Variants in RRAS2 observed in about 807,000 individuals in gnomAD.
RRAS2 encodes ras-related protein R-Ras2.
A neutral mutation model predicts 27.6 loss-of-function variants in RRAS2; 7 were observed. That is an observed-to-expected ratio of 0.25 (90% CI 0.14 to 0.48). RRAS2 has a LOEUF of 0.48. Among genes scored for constraint, RRAS2 ranks in the 20% least tolerant of loss-of-function variants. RRAS2 has a pLI of 0.99. For missense variants in RRAS2, 178 were observed against 256.2 expected (o/e 0.69, Z 2.08); for synonymous variants, 86 against 90.9 (o/e 0.95, Z 0.31).
rs58190907 is a variant in RRAS2 at position 14,282,659 on chromosome 11, GA to G, written c.409-940del. 2.6e-4 allele frequency among the ~76,000 whole-genome samples: 39 copies of G among 149,704 alleles called. 1 individual carries two copies. The highest frequency in any genetic ancestry group is 4.9e-4 in the African/African-American group (20 of 40,910). On this transcript the variant is annotated intron_variant, in intron 4 of 5. Coordinates refer to ENST00000256196, the MANE Select transcript of RRAS2 (RefSeq NM_012250.6). ...AAAATTAGAAAAGCCAAATTGGGGG[GA>G]AAAAAAAAATCAAAGAAAATTTAAG...
At chr11:14,347,841 T>C (rs1848870508) in intron 1 of RRAS2, among the ~76,000 whole-genome samples, 1 of 142,542 alleles carries the variant, frequency 7.0e-6, no homozygotes, top group Non-Finnish European at 1.5e-5. Context: ...TAAAAGAATA[T>C]AAATAATTTT....
At chr11:14,306,405 G>C (rs1847830235) in intron 1 of RRAS2, among the ~76,000 whole-genome samples, 1 of 152,000 alleles carries the variant, frequency 6.6e-6, no homozygotes, top group Non-Finnish European at 1.5e-5. Flanking sequence ...AGGCTTAAGG[G>C]ATCCTGCCAT....
intron 1 of RRAS2, among the ~76,000 whole-genome samples, chr11:14,344,194 A>T (rs952030025): frequency 6.6e-6 from 1 of 152,202 alleles, no homozygotes; most frequent in African/African-American, 2.4e-5. Context: ...GTTGGCATGG[A>T]AATTCCATGC....
intron 1 of RRAS2, among the ~76,000 whole-genome samples, chr11:14,314,389 C>T (rs535217937): frequency 2.6e-5 from 4 of 152,284 alleles, no homozygotes; most frequent in African/African-American, 9.6e-5. Flanking sequence ...GGTCTCTAAT[C>T]ATAATTTACA....
intron 1 of RRAS2, among the ~76,000 whole-genome samples, chr11:14,319,345 C>CTTTTTTTTTT (rs1156654694): frequency 1.4e-4 from 13 of 91,516 alleles, no homozygotes; most frequent in Non-Finnish European, 2.1e-4. Context: ...TTCCCTCTGT[C>CTTTTTTTTTT]TTTTTTTTTT....
intron 1 of RRAS2, chr11:14,356,801 C>CTTTT (rs34757328): frequency 2.4e-4 from 89 of 374,664 alleles, no homozygotes; most frequent in South Asian, 6.4e-4. Context: ...GCAATTAATG[C>CTTTT]TTTTTTTTTT....
At chr11:14,332,834 A>G (rs1295476095) in intron 1 of RRAS2, among the ~76,000 whole-genome samples, 7 of 152,230 alleles carry the variant, frequency 4.6e-5, no homozygotes, top group Non-Finnish European at 1.0e-4. Context: ...AAATCATACA[A>G]GGAAAAAAAA....
rs1029142951 is a variant in RRAS2 at position 14,323,727 on chromosome 11, T to G, written c.109-27872A>C. Among the ~76,000 whole-genome samples the G allele has an allele frequency of 2.6e-5, 4 of 151,864 alleles. No individual in the cohort carries two copies. In the South Asian group the frequency reaches 8.3e-4, roughly 32 times the overall value. On this transcript the variant is annotated intron_variant, in intron 1 of 5. Transcript: ENST00000256196. Reference sequence around the variant, plus strand: ...TACCAAAACCAGACAAGAACATTATTAAAAAATGAAAATTACAGGCCAATT... The same window carrying G: ...TACCAAAACCAGACAAGAACATTATGAAAAAATGAAAATTACAGGCCAATT...
chr11:14,286,549 G>A (rs1849664703), intron 4 of RRAS2, among the ~76,000 whole-genome samples: 1 of 152,164 alleles, frequency 6.6e-6, no homozygotes, highest in South Asian at 2.1e-4. Flanking sequence ...CCCTGTTTGA[G>A]CTCAAGGTAT....
Position 14,281,608 on chromosome 11 carries a change from A to T in RRAS2, c.521T>A (p.Val174Asp). The T allele has an allele frequency of 6.3e-7, 1 of 1,598,466 alleles. No individual in the cohort carries two copies. The highest frequency in any genetic ancestry group is 8.5e-7 in the Non-Finnish European group (1 of 1,174,704). The change falls in exon 5 of 6, where the codon GTT becomes GAT. Residue 174 changes from valine to aspartate, a missense_variant. Val to Asp is a radical substitution (Grantham distance 152). Coordinates refer to ENST00000256196, the MANE Select transcript of RRAS2 (RefSeq NM_012250.6). ...TAGAATGTGTTTTGCTTACCTGATAACCCGGACAAGTTCATGGAAAGCTTG... is the reference window on the plus strand; with the variant it reads ...TAGAATGTGTTTTGCTTACCTGATATCCCGGACAAGTTCATGGAAAGCTTG... ...VDQAFHELVRVIRKFQEQECP... is the reference protein window; with the variant it reads ...VDQAFHELVRDIRKFQEQECP...
At chr11:14,346,373 G>C (rs906385713) in intron 1 of RRAS2, among the ~76,000 whole-genome samples, 4 of 152,188 alleles carry the variant, frequency 2.6e-5, no homozygotes, top group Non-Finnish European at 5.9e-5. Context: ...ACTAGTGACA[G>C]AGAAAAACTT....
chr11:14,295,785 C>T lies in RRAS2; in HGVS notation c.179G>A (p.Arg60Lys), dbSNP rs552513136. 4 of 1,611,830 alleles carry T rather than the reference C, an allele frequency of 2.5e-6. No homozygotes were observed. The South Asian group carries it at 4.4e-5, about 18-fold the overall frequency. The change falls in exon 2 of 6, where the codon AGA (arginine) becomes AAA (lysine). Residue 60 changes from arginine to lysine, a missense_variant. Coordinates refer to ENST00000256196, the MANE Select transcript of RRAS2 (RefSeq NM_012250.6). ...SYTKQCVIDD[R>K]AARLDILDTA... is the part of the protein sequence containing the mutation. ...TTACTTACTATCTAGCCGGGCTGCT[C>T]TGTCATCTATCACACACTGCTTTGT...
chr11:14,321,010 T>TTGGCCAGG (rs1848210257), intron 1 of RRAS2, among the ~76,000 whole-genome samples: 1 of 151,828 alleles, frequency 6.6e-6, no homozygotes, highest in South Asian at 2.1e-4. Context: ...GTAAACCCCG[T>TTGGCCAGG]CTCTACTAAA....
Position 14,359,097 on chromosome 11 carries a change from G to A in RRAS2, c.-227C>T, listed in dbSNP as rs1849150107. 1.9e-6 allele frequency: 2 copies of A among 1,072,204 alleles called. No homozygotes were observed. The highest frequency in any genetic ancestry group is 2.3e-6 in the Non-Finnish European group (2 of 886,854). 66.4% of individuals were successfully genotyped at this position (1,072,204 alleles called of 1,614,324 possible). Reference sequence around the variant, plus strand: ...AGCGGGGTGACGGCACGGGCCAGGGGCGGCAGCGGCCGGGGGGCGCGCTCC... The same window carrying A: ...AGCGGGGTGACGGCACGGGCCAGGGACGGCAGCGGCCGGGGGGCGCGCTCC... On this transcript the variant is annotated 5_prime_UTR_variant, in exon 1 of 6. Transcript: ENST00000256196.
chr11:14,296,906 A>T (rs1338789720), intron 1 of RRAS2, among the ~76,000 whole-genome samples: 1 of 152,258 alleles, frequency 6.6e-6, no homozygotes, highest in East Asian at 1.9e-4. Context: ...AAAGGGTTTT[A>T]AAAAATCAGC....
intron 4 of RRAS2, 24 bp from the exon 5 acceptor site, chr11:14,281,744 A>G (rs1554944358): frequency 1.3e-6 from 2 of 1,543,052 alleles, no homozygotes; most frequent in Non-Finnish European, 1.8e-6. Context: ...AGTTATGTTT[A>G]TGGTACATTA....
In RRAS2 at chr11:14,294,871, AAAACAAC is replaced by A. The variant is rs782209910; in HGVS notation, c.197-16_197-10del. The A allele has an allele frequency of 6.2e-7, 1 of 1,609,816 alleles. No homozygotes were observed. The highest frequency in any genetic ancestry group is 8.5e-7 in the Non-Finnish European group (1 of 1,176,450). On this transcript the variant is annotated splice_polypyrimidine_tract_variant and intron_variant, in intron 2 of 5. Coordinates refer to ENST00000256196, the MANE Select transcript of RRAS2 (RefSeq NM_012250.6). Reference sequence around the variant, plus strand: ...TCCTGCTGTATCCAAAACTAAAGAAAAAACAACAAATGTAATTATACTTGTTTTTTAT... The same window carrying A: ...TCCTGCTGTATCCAAAACTAAAGAAAAAATGTAATTATACTTGTTTTTTAT...
chr11:14,281,778 T>C (rs1849543848), intron 4 of RRAS2, 58 bp from the exon 5 acceptor site: 2 of 1,390,160 alleles, frequency 1.4e-6, no homozygotes, highest in East Asian at 4.9e-5. Context: ...TTGTTCCATC[T>C]AATCCTGGCC....
Position 14,359,034 on chromosome 11 carries a change from C to T in RRAS2, c.-164G>A. ...AGGGCCGGTCAGCGCGGTAGCGCGG[C>T]GCTGGGGACTGGCTGGGTACCGCCC... On this transcript the variant is annotated 5_prime_UTR_variant, in exon 1 of 6. Transcript: ENST00000256196. 2 of 1,120,426 alleles carry T rather than the reference C, an allele frequency of 1.8e-6. No homozygotes were observed. The highest frequency in any genetic ancestry group is 1.1e-6 in the Non-Finnish European group (1 of 917,508). The allele number at this position is 1,120,426 out of a possible 1,614,324, so 69.4% of individuals were successfully genotyped here.
Sources: gnomAD v4.1 joint callset for allele counts (sites outside exome capture counted in the v4.1 genomes callset) on GRCh38, gnomAD v4.1.1 for gene constraint, MANE v1.5 for transcripts, NCBI Gene and HGNC (gene_info 2026-07-23, HGNC 2026-07-21) for gene names.